The following LRP1B variants were observed in gnomAD, a reference collection of about 807,000 sequenced individuals.
The protein encoded by LRP1B is low-density lipoprotein receptor-related protein 1B.
LRP1B carries 217 observed loss-of-function variants against 556.6 expected under a neutral mutation model. That is an observed-to-expected ratio of 0.39 (90% CI 0.35 to 0.44). LRP1B has a LOEUF of 0.44. Among genes scored for constraint, LRP1B ranks in the 20% least tolerant of loss-of-function variants. The pLI is 1.00. For synonymous variants in LRP1B, 2,047 were observed against 1,865.8 expected, an observed-to-expected ratio of 1.10 and a Z score of -2.50; for missense variants, 5,053 against 5,620.8, an observed-to-expected ratio of 0.90 and a Z score of 3.23.
intron 51 of LRP1B, 131 bp downstream of exon 51, chr2:140,514,522 C>A (rs1274000593): frequency 3.1e-6 from 2 of 651,814 alleles, no homozygotes; most frequent in Non-Finnish European, 4.7e-6. Context: ...ATAATAAAAA[C>A]AGCTACCTAG....
chr2:141,437,778 G>A (rs1341903516), intron 3 of LRP1B, among the ~76,000 whole-genome samples: 2 of 151,728 alleles, frequency 1.3e-5, no homozygotes, highest in African/African-American at 2.4e-5. Flanking sequence ...AGCAGAAGGG[G>A]AGAAAAAATA....
In LRP1B at chr2:141,851,370, A is replaced by G. The variant is rs534647959; in HGVS notation, c.83-40969T>C. ...ACAACACAACCCTCCCTTTCTCTAA[A>G]TTCAGTTGGTGGCTCTTTCATAAAT... is the stretch of plus-strand genomic sequence containing the variant. On this transcript the variant is annotated intron_variant, in intron 1 of 90. Coordinates refer to ENST00000389484, the MANE Select transcript of LRP1B (RefSeq NM_018557.3). Among the ~76,000 whole-genome samples the G allele has an allele frequency of 3.3e-5, 5 of 151,834 alleles. No individual in the cohort carries two copies. In the South Asian group the frequency reaches 1.0e-3, roughly 32 times the overall value.
chr2:142,071,476 A>C (rs754923448), intron 1 of LRP1B, among the ~76,000 whole-genome samples: 1 of 151,994 alleles, frequency 6.6e-6, no homozygotes, highest in Non-Finnish European at 1.5e-5. Context: ...TACAGTTGGA[A>C]ATGTTGAAAA....
chr2:141,887,115 C>T (rs921070331), intron 1 of LRP1B, among the ~76,000 whole-genome samples: 1 of 152,038 alleles, frequency 6.6e-6, no homozygotes, highest in Non-Finnish European at 1.5e-5. Context: ...CCTGCTTCAG[C>T]CTCCCTAGTA....
At chr2:141,059,139 G>A (rs1699268827) in intron 8 of LRP1B, 85 bp from the exon 9 acceptor site, 1 of 831,522 alleles carries the variant, frequency 1.2e-6, no homozygotes. Context: ...TTACTAGTAT[G>A]GAAAATGGCC....
chr2:140,364,337 T>C (rs1423375132), intron 72 of LRP1B, among the ~76,000 whole-genome samples: 2 of 151,568 alleles, frequency 1.3e-5, no homozygotes, highest in African/African-American at 4.8e-5. Flanking sequence ...AAACTCCAAT[T>C]TGATGTGAAG....
intron 84 of LRP1B, among the ~76,000 whole-genome samples, chr2:140,276,506 C>T (rs1682678883): frequency 6.6e-6 from 1 of 151,868 alleles, no homozygotes; most frequent in South Asian, 2.1e-4. Flanking sequence ...GGTATATATA[C>T]ACAACACAAA....
At chr2:141,265,853 T>C (rs1684866653) in intron 3 of LRP1B, among the ~76,000 whole-genome samples, 1 of 152,212 alleles carries the variant, frequency 6.6e-6, no homozygotes, top group African/African-American at 2.4e-5. Context: ...AGCTATCTGT[T>C]AAAAAATATT....
At chr2:140,403,249 A>G (rs1684585726) in intron 66 of LRP1B, among the ~76,000 whole-genome samples, 2 of 152,164 alleles carry the variant, frequency 1.3e-5, no homozygotes, top group African/African-American at 4.8e-5. Context: ...ACACGATCAC[A>G]CTAGTTCCCC....
intron 6 of LRP1B, among the ~76,000 whole-genome samples, chr2:141,201,122 A>G (rs1023018239): frequency 6.6e-6 from 1 of 152,190 alleles, no homozygotes; most frequent in Admixed American, 6.6e-5. Flanking sequence ...GCAGACAGCA[A>G]TTTGCAGGAA....
intron 33 of LRP1B, among the ~76,000 whole-genome samples, chr2:140,773,207 G>T (rs1027591882): frequency 5.3e-5 from 8 of 152,200 alleles, no homozygotes; most frequent in Non-Finnish European, 1.2e-4. Flanking sequence ...GCTCACGCCT[G>T]TAATCCCAAC....
Position 141,788,190 on chromosome 2 carries a change from G to C in LRP1B, c.205+22089C>G, listed in dbSNP as rs889745711. On this transcript the variant is annotated intron_variant, in intron 2 of 90. Transcript: ENST00000389484. The stretch of plus-strand genomic sequence containing the variant: ...AGAAAGATAAAACTAGTAGCTTTTT[G>C]TTGCTTGCAACAAACCTAGGATTTG... Among the ~76,000 whole-genome samples, 3 of 151,908 alleles carry C rather than the reference G, an allele frequency of 2.0e-5. No homozygotes were observed. In the South Asian group the frequency reaches 6.2e-4, roughly 31 times the overall value.
intron 1 of LRP1B, among the ~76,000 whole-genome samples, chr2:141,934,934 T>C (rs1353453386): frequency 2.0e-5 from 3 of 152,112 alleles, no homozygotes. Context: ...GATAGAAAGA[T>C]CACATAGTTT....
chr2:141,058,685 G>A (rs1437163200), intron 9 of LRP1B, among the ~76,000 whole-genome samples, 198 bp downstream of exon 9: 5 of 151,704 alleles, frequency 3.3e-5, no homozygotes, highest in Admixed American at 2.0e-4. Context: ...TCATAGAAAC[G>A]ATTCACTAGA....
At position 142,059,843 on chromosome 2, in the gene LRP1B, A is replaced by T. The variant is rs570278554; in HGVS notation, c.82+70805T>A. On this transcript the variant is annotated intron_variant, in intron 1 of 90. Transcript: ENST00000389484. ...AACTAGCAGGGATTGAAATAAAAGTATTGGGATAATTTTACCTTTTTCTTG... is the reference window on the plus strand; with the variant it reads ...AACTAGCAGGGATTGAAATAAAAGTTTTGGGATAATTTTACCTTTTTCTTG... Among the ~76,000 whole-genome samples, 8 of 152,226 alleles carry T rather than the reference A, an allele frequency of 5.3e-5. 1 individual carries two copies. Among genetic ancestry groups the T allele is most frequent in the African/African-American group, 1.9e-4 (8 of 41,578 alleles).
At chr2:141,888,758 C>T (rs1699198486) in intron 1 of LRP1B, among the ~76,000 whole-genome samples, 1 of 152,046 alleles carries the variant, frequency 6.6e-6, no homozygotes, top group South Asian at 2.1e-4. Flanking sequence ...AATGACAGTG[C>T]TCGGGAAGTT....
At chr2:140,538,415 C>G (rs187981715) in intron 45 of LRP1B, among the ~76,000 whole-genome samples, 5 of 152,216 alleles carry the variant, frequency 3.3e-5, no homozygotes, top group African/African-American at 1.2e-4. Context: ...TCCATGGTTG[C>G]CATCTTTATG....
intron 2 of LRP1B, among the ~76,000 whole-genome samples, chr2:141,594,896 C>T (rs1222583117): frequency 2.0e-5 from 3 of 151,960 alleles, no homozygotes; most frequent in Non-Finnish European, 2.9e-5. Flanking sequence ...CTTTGAACAG[C>T]CTGTAATTTC....
At chr2:141,945,752 A>G (rs1450984376) in intron 1 of LRP1B, among the ~76,000 whole-genome samples, 1 of 148,484 alleles carries the variant, frequency 6.7e-6, no homozygotes, top group East Asian at 2.0e-4. Flanking sequence ...TACAGAAATC[A>G]ATGCACTTCA....
Sources: gnomAD v4.1 joint callset for allele counts (sites outside exome capture counted in the v4.1 genomes callset) on GRCh38, gnomAD v4.1.1 for gene constraint, MANE v1.5 for transcripts, NCBI Gene and HGNC (gene_info 2026-07-23, HGNC 2026-07-21) for gene names.